Variants in ASPM observed in about 807,000 individuals in gnomAD.
The protein encoded by ASPM is assembly factor for spindle microtubules.
In ASPM, 256 loss-of-function variants were observed where a neutral mutation model predicts 366.4. That is an observed-to-expected ratio of 0.70 (90% CI 0.63 to 0.77). The LOEUF (loss-of-function observed/expected upper bound fraction) is 0.77, where lower values mean the gene tolerates loss of function less well. ASPM is among the 30% of genes least tolerant of loss of function. The pLI is 0.00. For missense variants in ASPM, 4,146 were observed against 4,090.4 expected (o/e 1.01, Z -0.37); for synonymous variants, 1,414 against 1,342.9 (o/e 1.05, Z -1.16).
chr1:197,141,344 T>C (rs1161818469), intron 3 of ASPM, among the ~76,000 whole-genome samples: 2 of 152,138 alleles, frequency 1.3e-5, no homozygotes, highest in Non-Finnish European at 1.5e-5. Flanking sequence ...AGTTGAGTAA[T>C]TGCAGTGCAA....
At chr1:197,110,770 T>A (rs1431151758) in intron 17 of ASPM, among the ~76,000 whole-genome samples, 1 of 151,814 alleles carries the variant, frequency 6.6e-6, no homozygotes, top group East Asian at 1.9e-4. Flanking sequence ...ACTACACAAA[T>A]AGAAAAGGGT....
intron 1 of ASPM, among the ~76,000 whole-genome samples, chr1:197,144,992 GTAT>G (rs1188014919): frequency 2.6e-4 from 40 of 152,012 alleles, no homozygotes; most frequent in Admixed American, 2.6e-3. Flanking sequence ...GTAAGTTGAA[GTAT>G]TATGTGGATA....
intron 17 of ASPM, among the ~76,000 whole-genome samples, chr1:197,110,382 A>G (rs1034175770): frequency 7.9e-5 from 12 of 152,116 alleles, no homozygotes; most frequent in African/African-American, 2.9e-4. Flanking sequence ...AAAAGTGAAC[A>G]TTGACCTAAC....
chr1:197,084,427 C>T lies in ASPM; in HGVS notation c.10332-1G>A, dbSNP rs781599471. 6.5e-7 allele frequency: 1 copy of T among 1,541,560 alleles called. No individual in the cohort carries two copies. On this transcript the variant is annotated splice_acceptor_variant, in intron 27 of 27. Transcript: ENST00000367409. LOFTEE classifies it high-confidence loss of function. Reference sequence around the variant, plus strand: ...TCTCAAAACCCAATCTGGCTTAAGTCTGTTAAAAAAAAAAAAAAAGTCTGG... The same window carrying T: ...TCTCAAAACCCAATCTGGCTTAAGTTTGTTAAAAAAAAAAAAAAAGTCTGG...
At chr1:197,114,314 T>C (rs759765875) in intron 17 of ASPM, among the ~76,000 whole-genome samples, 1 of 152,202 alleles carries the variant, frequency 6.6e-6, no homozygotes, top group Non-Finnish European at 1.5e-5. Context: ...TGGAGGGTCT[T>C]ACCTTAATGT....
In ASPM at chr1:197,104,113, C is replaced by A. The variant is rs141297873; in HGVS notation, c.5138G>T (p.Arg1713Leu). 1.2e-6 allele frequency: 2 copies of A among 1,612,748 alleles called. No individual in the cohort carries two copies. The highest frequency in any genetic ancestry group is 2.7e-5 in the African/African-American group (2 of 74,786). The change falls in exon 18 of 28, where the codon CGT becomes CTT. Residue 1713 changes from arginine (R) to leucine (L), a missense_variant. Coordinates refer to ENST00000367409, the MANE Select transcript of ASPM (RefSeq NM_018136.5). ...CTTTTGTGCAGCTATTTTTTTGGAA[C>A]GGTAACATTGCTGGATAAATAGTGC... ...AAALFIQQCY[R>L]SKKIAAQKRE... is the part of the protein sequence containing the mutation.
At chr1:197,111,238 A>G (rs1015709319) in intron 17 of ASPM, among the ~76,000 whole-genome samples, 6 of 152,062 alleles carry the variant, frequency 3.9e-5, no homozygotes, top group African/African-American at 1.4e-4. Flanking sequence ...AATTCAAAAA[A>G]CAAAAAACAA....
intron 6 of ASPM, 114 bp downstream of exon 6, chr1:197,133,236 A>G: frequency 9.0e-7 from 1 of 1,114,826 alleles, no homozygotes; most frequent in Non-Finnish European, 1.3e-6. Context: ...GTATACCTTA[A>G]ATATATGCCA....
At position 197,103,347 on chromosome 1, in the gene ASPM, T is replaced by C. The variant is rs376563430; in HGVS notation, c.5904A>G (p.Gln1968=). The C allele has an allele frequency of 6.2e-7, 1 of 1,613,190 alleles. No individual in the cohort carries two copies. The highest frequency in any genetic ancestry group is 1.3e-5 in the African/African-American group (1 of 74,834). The change falls in exon 18 of 28, where the codon CAA becomes CAG. Residue 1968 remains glutamine, a synonymous_variant. Coordinates refer to ENST00000367409, the MANE Select transcript of ASPM (RefSeq NM_018136.5). Reference sequence around the variant, plus strand: ...TGATGATAGCACATTTATGTTGCCTTTGAAGCTGTCTTCTCAGTGTTTTTC... The same window carrying C: ...TGATGATAGCACATTTATGTTGCCTCTGAAGCTGTCTTCTCAGTGTTTTTC... ...WKGKTLRRQL[Q]RQHKCAIIIQ...
In ASPM at chr1:197,089,990, G is replaced by A. The variant is rs199838259; in HGVS notation, c.9924C>T (p.Arg3308=). The part of the protein sequence containing the change: ...KIFVLIRSCN[R]SIPCMEVIRY... ...TGATGACTTCCATACAAGGAATACT[G>A]CGATTACAACTTCGGATCAAAACAA... is the stretch of plus-strand genomic sequence containing the variant. Residue 3308 remains arginine (R), a synonymous_variant, in exon 25 of 28, where the codon CGC becomes CGT. Coordinates refer to ENST00000367409, the MANE Select transcript of ASPM (RefSeq NM_018136.5). The A allele has an allele frequency of 8.7e-6, 14 of 1,613,246 alleles. No individual in the cohort carries two copies. The highest frequency in any genetic ancestry group is 1.7e-5 in the Admixed American group (1 of 59,954).
At chr1:197,088,819 A>C (rs886901605) in intron 25 of ASPM, among the ~76,000 whole-genome samples, 1 of 152,112 alleles carries the variant, frequency 6.6e-6, no homozygotes, top group African/African-American at 2.4e-5. Flanking sequence ...GATAATGATA[A>C]AGGCAGGATC....
chr1:197,107,575 T>C (rs529494457), intron 17 of ASPM, among the ~76,000 whole-genome samples: 1 of 152,218 alleles, frequency 6.6e-6, no homozygotes, highest in Admixed American at 6.6e-5. Context: ...CAAGAAAAGA[T>C]AATCAATAGA....
chr1:197,144,936 T>G (rs1192674730), intron 1 of ASPM, among the ~76,000 whole-genome samples: 4 of 152,250 alleles, frequency 2.6e-5, no homozygotes, highest in Non-Finnish European at 5.9e-5. Flanking sequence ...AAATAGTTTA[T>G]TCTAAAAATA....
chr1:197,128,366 T>G, intron 10 of ASPM, 124 bp downstream of exon 10: 1 of 939,798 alleles, frequency 1.1e-6, no homozygotes, highest in Non-Finnish European at 1.6e-6. Flanking sequence ...AAACCTCAAT[T>G]TTTTTCAGTA....
Position 197,090,881 on chromosome 1 carries a change from T to C in ASPM, c.9605A>G (p.Glu3202Gly). The change falls in exon 23 of 28, where the codon GAA (glutamate) becomes GGA (glycine). Residue 3202 changes from glutamate to glycine, a missense_variant. Around this residue, in one of 3 missense-constraint regions of ASPM, gnomAD observed 3,624 missense variants for 3,591.7 expected, o/e 1.01. Transcript: ENST00000367409. ...VRHFLLRKKQ[E>G]KFTSGIIKIQ... is the part of the protein sequence containing the mutation. ...TTTAATGATTCCACTAGTGAATTTT[T>C]CCTGCTTTTTACGGAGGAGAAAATG... 6.2e-7 allele frequency: 1 copy of C among 1,613,284 alleles called. No individual in the cohort carries two copies. Among genetic ancestry groups the C allele is most frequent in the East Asian group, 2.2e-5 (1 of 44,820 alleles).
intron 7 of ASPM, among the ~76,000 whole-genome samples, chr1:197,131,762 T>C (rs796202077): frequency 1.1e-4 from 17 of 151,982 alleles, no homozygotes; most frequent in African/African-American, 3.6e-4. Flanking sequence ...GGTTTCACCA[T>C]GTTAGCCAGG....
At chr1:197,107,790 C>G (rs1256675209) in intron 17 of ASPM, among the ~76,000 whole-genome samples, 1 of 152,134 alleles carries the variant, frequency 6.6e-6, no homozygotes, top group Non-Finnish European at 1.5e-5. Flanking sequence ...ACTGGTATGG[C>G]ACAATAGCAG....
At chr1:197,117,635 T>C (rs903161480) in intron 17 of ASPM, among the ~76,000 whole-genome samples, 154 bp downstream of exon 17, 3 of 152,174 alleles carry the variant, frequency 2.0e-5, no homozygotes, top group Admixed American at 6.6e-5. Context: ...CTGAACACCA[T>C]AACGAGCTTT....
intron 6 of ASPM, among the ~76,000 whole-genome samples, chr1:197,132,974 G>A (rs928779852): frequency 6.6e-6 from 1 of 152,054 alleles, no homozygotes; most frequent in Non-Finnish European, 1.5e-5. Flanking sequence ...GAATGGGGTA[G>A]AGGGACTGGG....
Sources: gnomAD v4.1 joint callset for allele counts (sites outside exome capture counted in the v4.1 genomes callset) on GRCh38, gnomAD v4.1.1 for gene constraint, gnomAD v4.1.1 regional missense constraint, MANE v1.5 for transcripts, NCBI Gene and HGNC (gene_info 2026-07-23, HGNC 2026-07-21) for gene names.